The following L2HGDH variants were observed in gnomAD, a reference collection of about 807,000 sequenced individuals.
L2HGDH encodes L-2-hydroxyglutarate dehydrogenase, mitochondrial.
A neutral mutation model predicts 51.5 loss-of-function variants in L2HGDH; 34 were observed. The observed-to-expected ratio is 0.66, with a 90% CI of 0.50 to 0.88. The LOEUF (loss-of-function observed/expected upper bound fraction) is 0.88. L2HGDH is among the 40% of genes least tolerant of loss of function. The pLI, the probability that L2HGDH is intolerant of heterozygous loss-of-function variation, is 0.00. For synonymous variants in L2HGDH, 198 were observed against 197.9 expected (o/e 1.00, Z -0.01); for missense variants, 558 against 571.9 (o/e 0.98, Z 0.25).
At chr14:50,259,977 G>T (rs1888920683) in intron 9 of L2HGDH, among the ~76,000 whole-genome samples, 1 of 133,750 alleles carries the variant, frequency 7.5e-6, no homozygotes, top group African/African-American at 3.1e-5. Context: ...GAAGGAGAGA[G>T]AAGAAGACAG....
intron 9 of L2HGDH, among the ~76,000 whole-genome samples, chr14:50,252,789 G>A (rs1309717801): frequency 6.6e-6 from 1 of 151,988 alleles, no homozygotes; most frequent in Non-Finnish European, 1.5e-5. Context: ...GCTATACAAA[G>A]CAAATATTAT....
chr14:50,271,676 CTA>C (rs1889696772), intron 6 of L2HGDH, among the ~76,000 whole-genome samples: 1 of 151,006 alleles, frequency 6.6e-6, no homozygotes, highest in South Asian at 2.1e-4. Context: ...CCTTGTCTCC[CTA>C]TGTTTTATTA....
chr14:50,254,428 C>T lies in L2HGDH; in HGVS notation c.1197-7175G>A, dbSNP rs73275111. Reference sequence around the variant, plus strand: ...AAGCTGAAACTTCTTGGGGTAGAGACGCATATGTTTATCAGCTGGTATGTG... The same window carrying T: ...AAGCTGAAACTTCTTGGGGTAGAGATGCATATGTTTATCAGCTGGTATGTG... On this transcript the variant is annotated intron_variant, in intron 9 of 9. Coordinates refer to ENST00000267436, the MANE Select transcript of L2HGDH (RefSeq NM_024884.3). 4.5e-3 allele frequency among the ~76,000 whole-genome samples: 689 copies of T among 152,072 alleles called. 6 individuals are homozygous for T. The highest frequency in any genetic ancestry group is 0.016 in the African/African-American group (651 of 41,466).
chr14:50,277,236 T>C (rs903888306), intron 6 of L2HGDH, among the ~76,000 whole-genome samples: 6 of 151,350 alleles, frequency 4.0e-5, no homozygotes, highest in Admixed American at 2.6e-4. Context: ...AGTTAGCATG[T>C]CTTCAGTCCT....
intron 4 of L2HGDH, among the ~76,000 whole-genome samples, chr14:50,286,249 G>A (rs552820429): frequency 6.6e-6 from 1 of 152,154 alleles, no homozygotes; most frequent in Non-Finnish European, 1.5e-5. Flanking sequence ...AGACCAGAGG[G>A]CAGAGTAGCA....
At position 50,269,128 on chromosome 14, in the gene L2HGDH, G is replaced by GAA. The variant is rs367714984; in HGVS notation, c.906+33_906+34dup. 4.7e-5 allele frequency: 74 copies of GAA among 1,562,386 alleles called. 2 individuals carry two copies. The South Asian group carries it at 7.1e-4, about 15-fold the overall frequency. ...TCTCCTTTATGACCACCACCTGCTT[G>GAA]AAAAAAATGAGAAGTAGGAAGCATC... is the stretch of plus-strand genomic sequence containing the variant. On this transcript the variant is annotated intron_variant, in intron 7 of 9. Coordinates refer to ENST00000267436, the MANE Select transcript of L2HGDH (RefSeq NM_024884.3).
At chr14:50,261,041 C>T (rs980729902) in intron 9 of L2HGDH, among the ~76,000 whole-genome samples, 6 of 151,870 alleles carry the variant, frequency 4.0e-5, no homozygotes, top group South Asian at 2.1e-4. Context: ...CGCTTGAACC[C>T]GGGAGGCAGA....
At chr14:50,261,426 C>A (rs1304410463) in intron 9 of L2HGDH, among the ~76,000 whole-genome samples, 1 of 152,158 alleles carries the variant, frequency 6.6e-6, no homozygotes. Flanking sequence ...CTAACAGATA[C>A]AAACTGCTGT....
At chr14:50,256,250 C>T (rs1888660457) in intron 9 of L2HGDH, among the ~76,000 whole-genome samples, 1 of 152,028 alleles carries the variant, frequency 6.6e-6, no homozygotes, top group Non-Finnish European at 1.5e-5. Flanking sequence ...CATAGTGGCT[C>T]ATGCCTATAA....
chr14:50,261,348 G>C (rs796966985), intron 9 of L2HGDH, among the ~76,000 whole-genome samples: 2 of 152,270 alleles, frequency 1.3e-5, no homozygotes, highest in South Asian at 4.1e-4. Context: ...CCCCACAGAA[G>C]ACATTTTCCA....
intron 6 of L2HGDH, 56 bp from the exon 7 acceptor site, chr14:50,269,386 A>G: frequency 6.5e-7 from 1 of 1,536,274 alleles, no homozygotes. Flanking sequence ...ATAGGTCAAG[A>G]GGGGAAAAAC....
At chr14:50,273,390 T>A (rs1889805095) in intron 6 of L2HGDH, among the ~76,000 whole-genome samples, 1 of 152,226 alleles carries the variant, frequency 6.6e-6, no homozygotes, top group Non-Finnish European at 1.5e-5. Flanking sequence ...CTGGGAAAAC[T>A]GGATAGCCCC....
intron 4 of L2HGDH, among the ~76,000 whole-genome samples, chr14:50,288,047 C>T (rs1473062256): frequency 6.6e-6 from 1 of 152,028 alleles, no homozygotes; most frequent in Non-Finnish European, 1.5e-5. Context: ...TATGTGTCTA[C>T]AATGTGTAAT....
chr14:50,244,346 T>A lies in L2HGDH; in HGVS notation c.*2712A>T. On this transcript the variant is annotated 3_prime_UTR_variant, in exon 10 of 10. Coordinates refer to ENST00000267436, the MANE Select transcript of L2HGDH (RefSeq NM_024884.3). Reference sequence around the variant, plus strand: ...TCTCCACATCCTCTCCAGCACCTGTTGTTTCCTTTTCAGGGTATTGTACAG... The same window carrying A: ...TCTCCACATCCTCTCCAGCACCTGTAGTTTCCTTTTCAGGGTATTGTACAG... 5.1e-6 allele frequency: 5 copies of A among 978,422 alleles called. No homozygotes were observed. The highest frequency in any genetic ancestry group is 6.1e-6 in the Non-Finnish European group (5 of 823,560). The allele number at this position is 978,422 out of a possible 1,614,324, so 60.6% of individuals were successfully genotyped here.
intron 2 of L2HGDH, 145 bp from the exon 3 acceptor site, chr14:50,302,313 T>C: frequency 2.5e-6 from 2 of 806,266 alleles, no homozygotes; most frequent in Non-Finnish European, 2.1e-6. Context: ...TGGTAACTTC[T>C]TCTAACATCC....
intron 4 of L2HGDH, chr14:50,287,404 C>CTAA: frequency 1.6e-6 from 1 of 623,728 alleles, no homozygotes; most frequent in Non-Finnish European, 2.0e-6. Context: ...ACCAGTAATC[C>CTAA]TGTTTTTCAA....
intron 4 of L2HGDH, among the ~76,000 whole-genome samples, chr14:50,292,283 A>G (rs1474193181): frequency 6.6e-6 from 1 of 152,244 alleles, no homozygotes; most frequent in Non-Finnish European, 1.5e-5. Flanking sequence ...AGTCAAAATC[A>G]TAACAGGTTA....
chr14:50,260,639 A>G (rs1888963523), intron 9 of L2HGDH, among the ~76,000 whole-genome samples: 1 of 152,132 alleles, frequency 6.6e-6, no homozygotes, highest in Admixed American at 6.5e-5. Context: ...ATGTATTTCA[A>G]GGATGTTTAT....
At chr14:50,294,334 T>C (rs1448279704) in intron 3 of L2HGDH, 88 bp from the exon 4 acceptor site, 10 of 1,357,186 alleles carry the variant, frequency 7.4e-6, no homozygotes, top group African/African-American at 1.4e-5. Context: ...TCATCAACTA[T>C]TGTATGACCC....
Sources: gnomAD v4.1 joint callset for allele counts (sites outside exome capture counted in the v4.1 genomes callset) on GRCh38, gnomAD v4.1.1 for gene constraint, MANE v1.5 for transcripts, NCBI Gene and HGNC (gene_info 2026-07-23, HGNC 2026-07-21) for gene names.